CPT1B: variants seen among roughly 807,000 people sequenced by gnomAD.
CPT1B encodes carnitine O-palmitoyltransferase 1, muscle isoform.
A neutral mutation model predicts 92.7 loss-of-function variants in CPT1B; 57 were observed. That is an observed-to-expected ratio of 0.62 (90% CI 0.50 to 0.77). The LOEUF is 0.77. CPT1B is among the 30% of genes least tolerant of loss of function. CPT1B has a pLI of 0.00. For missense variants in CPT1B, 983 were observed against 1,017.4 expected, an observed-to-expected ratio of 0.97 and a Z score of 0.46; for synonymous variants, 398 against 383.5, an observed-to-expected ratio of 1.04 and a Z score of -0.44.
chr22:50,569,715 G>T (rs376435607), intron 17 of CPT1B, 47 bp from the exon 18 acceptor site: 3 of 1,483,072 alleles, frequency 2.0e-6, no homozygotes, highest in Non-Finnish European at 2.8e-6. Flanking sequence ...AAACCTTGAA[G>T]ATCTGAAAGC....
At chr22:50,574,621 C>T (rs750814302) in intron 7 of CPT1B, 21 bp from the exon 8 acceptor site, 77 of 1,605,830 alleles carry the variant, frequency 4.8e-5, no homozygotes, top group Admixed American at 2.7e-4. Context: ...ACAGAGCCCG[C>T]GGGGTGGGGG....
rs991622036 is a variant in CPT1B, at chr22:50,570,948, G to A, written c.1971C>T (p.Leu657=). The A allele has an allele frequency of 3.7e-6, 6 of 1,613,866 alleles. No homozygotes were observed. In the African/African-American group the frequency reaches 6.7e-5, roughly 18 times the overall value. Residue 657 remains leucine (L), a synonymous_variant, in exon 16 of 20, where the codon CTC becomes CTT. Transcript: ENST00000312108. ...AMTGAGIDRH[L]FCLYLVSKYL... ...ACTTGGAGACCAAGTAAAGGCAGAA[G>A]AGGTGCCTGTCGATCCCTGCCCCGG...
At position 50,573,683 on chromosome 22, in the gene CPT1B, C is replaced by T. The variant is rs748307991; in HGVS notation, c.1003G>A (p.Val335Met). 2.5e-5 allele frequency: 40 copies of T among 1,612,890 alleles called. No individual in the cohort carries two copies. The highest frequency in any genetic ancestry group is 1.6e-4 in the Middle Eastern group (1 of 6,078). ...AAGCGTCCCTTGTGGTAGACAGCCA[C>T]GTGCCGGCTGTCTGAGAGGTGCTGT... ...VLQHLSDSRH[V>M]AVYHKGRFFK... Residue 335 changes from valine to methionine, a missense_variant, in exon 10 of 20, where the codon GTG (valine) becomes ATG (methionine). Coordinates refer to ENST00000312108, the MANE Select transcript of CPT1B (RefSeq NM_152246.3). This position sits in a 1 kb window ranked among gnomAD's most constrained non-coding sequence, Gnocchi z 5.0.
At position 50,571,367 on chromosome 22, in the gene CPT1B, G is replaced by C; in HGVS notation, c.1740+8C>G. On this transcript the variant is annotated splice_region_variant and intron_variant, in intron 14 of 19. Coordinates refer to ENST00000312108, the MANE Select transcript of CPT1B (RefSeq NM_152246.3). ...TGCCCTCTCAGCAGCGGGAGGCGGG[G>C]CTCCTACCCGGAAGTGAGCCAGCTG... 6.2e-7 allele frequency: 1 copy of C among 1,613,802 alleles called. No individual in the cohort carries two copies.
chr22:50,569,122 T>C (rs1346730202), intron 19 of CPT1B, 41 bp from the exon 20 acceptor site: 2 of 523,116 alleles, frequency 3.8e-6, no homozygotes, highest in Non-Finnish European at 6.8e-6. Context: ...TTAGTATCTA[T>C]CAAGAAAAAA....
At chr22:50,569,244 A>G in intron 19 of CPT1B, 92 bp downstream of exon 19, 2 of 1,249,220 alleles carry the variant, frequency 1.6e-6, no homozygotes, top group Non-Finnish European at 2.3e-6. Flanking sequence ...GAGCCTGGGC[A>G]CCTGTGCACG....
rs144936442 is a variant in CPT1B, at chr22:50,573,628, C to G, written c.1058G>C (p.Arg353Pro). Residue 353 changes from arginine to proline, a missense_variant, in exon 10 of 20, where the codon CGT (arginine) becomes CCT (proline). Arg to Pro is a moderately radical substitution (Grantham distance 103, BLOSUM62 -2). Transcript: ENST00000312108. This position sits in a 1 kb window ranked among gnomAD's most constrained non-coding sequence, Gnocchi z 5.0. ...FFKLWLYEGA[R>P]LLKPQDLEMQ... ...CTCCAGATCCTGAGGCTTGAGCAGA[C>G]GGGCGCCCTCATAGAGCCACAGCTT... The G allele has an allele frequency of 6.2e-6, 10 of 1,613,354 alleles. No homozygotes were observed. In the East Asian group the frequency reaches 2.2e-4, roughly 36 times the overall value.
intron 11 of CPT1B, 93 bp from the exon 12 acceptor site, chr22:50,572,401 C>G: frequency 6.8e-6 from 5 of 731,422 alleles, no homozygotes; most frequent in South Asian, 5.2e-5. Flanking sequence ...ATTACTAACC[C>G]TATTCTCTCT....
Position 50,573,981 on chromosome 22 carries a change from G to A in CPT1B, c.971-266C>T. The A allele has an allele frequency of 1.4e-6, 1 of 701,688 alleles. No individual in the cohort carries two copies. Among genetic ancestry groups the A allele is most frequent in the Non-Finnish European group, 2.7e-6 (1 of 375,870 alleles). The allele number at this position is 701,688 out of a possible 1,614,324, so 43.5% of individuals were successfully genotyped here. ...CTAGAGGGTTGTGCAAACCGCCTAA[G>A]GATACAGTGTCAGAAGCAGGGAAGG... On this transcript the variant is annotated intron_variant, in intron 9 of 19. Transcript: ENST00000312108. The surrounding 1 kb of genome is among the most constrained non-coding windows in gnomAD (Gnocchi z 5.0).
chr22:50,570,899 G>A lies in CPT1B; in HGVS notation c.2020C>T (p.Leu674Phe). ...CCAACAACGGTGCTGACCTCAGCAAGGAAAGGAGAGCTGACTCCTAGGTAC... is the reference window on the plus strand; with the variant it reads ...CCAACAACGGTGCTGACCTCAGCAAAGAAAGGAGAGCTGACTCCTAGGTAC... ...SKYLGVSSPF[L>F]AEVLSEPWRL... is the part of the protein sequence containing the mutation. Residue 674 changes from leucine to phenylalanine, a missense_variant, in exon 16 of 20, where the codon CTT becomes TTT. Transcript: ENST00000312108. The A allele has an allele frequency of 6.2e-7, 1 of 1,613,526 alleles. No homozygotes were observed. Among genetic ancestry groups the A allele is most frequent in the South Asian group, 1.1e-5 (1 of 91,084 alleles).
At chr22:50,570,198 T>C in intron 17 of CPT1B, 95 bp downstream of exon 17, 1 of 873,402 alleles carries the variant, frequency 1.1e-6, no homozygotes, top group Non-Finnish European at 1.7e-6. Context: ...CTAAGCAAGG[T>C]GCTCCTGCCT....
chr22:50,577,165 G>A, intron 3 of CPT1B, 131 bp from the exon 4 acceptor site: 1 of 1,368,644 alleles, frequency 7.3e-7, no homozygotes, highest in African/African-American at 1.4e-5. Context: ...CATCAAATGA[G>A]CGGATGTAGG....
Position 50,577,640 on chromosome 22 carries a change from C to T in CPT1B, c.141+135G>A, listed in dbSNP as rs17848474. On this transcript the variant is annotated intron_variant, in intron 2 of 19. Transcript: ENST00000312108. ...TGTGTCCGACCACATCCTGTGCACC[C>T]CTCTGGTGTCTGTACTTCCACAACC... The T allele has an allele frequency of 1.0e-4, 148 of 1,429,704 alleles. 1 individual carries two copies. The East Asian group carries it at 3.4e-3, about 33-fold the overall frequency. 88.6% of individuals were successfully genotyped at this position (1,429,704 alleles called of 1,614,324 possible).
chr22:50,576,095 T>C lies in CPT1B; in HGVS notation c.717A>G (p.Glu239=). 6.2e-7 allele frequency: 1 copy of C among 1,614,120 alleles called. No individual in the cohort carries two copies. Among genetic ancestry groups the C allele is most frequent in the Non-Finnish European group, 8.5e-7 (1 of 1,180,024 alleles). ...WASNYVSDWW[E]EYIYLRGRSP... ...TCCTGCCTCGAAGGTAGATGTACTC[T>C]TCCCACCAGTCACTCACCTGTGGGG... Residue 239 remains glutamate, a synonymous_variant, in exon 7 of 20, where the codon GAA becomes GAG. Transcript: ENST00000312108.
At position 50,576,245 on chromosome 22, in the gene CPT1B, T is replaced by A; in HGVS notation, c.652A>T (p.Arg218Trp). ...TTGAGCACCAGGTATTTCTGCAGCC[T>A]GGGGGCAGTCTTGTCCTGGAATTCT... is the stretch of plus-strand genomic sequence containing the variant. ...AKEFQDKTAP[R>W]LQKYLVLKSW... The change falls in exon 6 of 20, where the codon AGG becomes TGG. Residue 218 changes from arginine to tryptophan, a missense_variant. Transcript: ENST00000312108. 1 of 1,614,120 alleles carries A rather than the reference T, an allele frequency of 6.2e-7. No homozygotes were observed. The highest frequency in any genetic ancestry group is 8.5e-7 in the Non-Finnish European group (1 of 1,180,024).
Position 50,573,128 on chromosome 22 carries a change from C to A in CPT1B, c.1167-68G>T. On this transcript the variant is annotated intron_variant, in intron 10 of 19. Coordinates refer to ENST00000312108, the MANE Select transcript of CPT1B (RefSeq NM_152246.3). This position sits in a 1 kb window ranked among gnomAD's most constrained non-coding sequence, Gnocchi z 5.0. ...GATGAGGGTGCCTCTGAGGGCCTGG[C>A]TGGACCTGGAGATGGGGGTGGGGTG... The A allele has an allele frequency of 7.2e-7, 1 of 1,392,116 alleles. No homozygotes were observed. Among genetic ancestry groups the A allele is most frequent in the South Asian group, 1.3e-5 (1 of 76,422 alleles). The allele number at this position is 1,392,116 out of a possible 1,614,324, so 86.2% of individuals were successfully genotyped here.
At chr22:50,570,511 G>GCACCCT in intron 16 of CPT1B, 105 bp from the exon 17 acceptor site, 7 of 916,976 alleles carry the variant, frequency 7.6e-6, no homozygotes, top group Non-Finnish European at 9.8e-6. Flanking sequence ...TGCTGAGGGT[G>GCACCCT]CAGGAGCTCC....
chr22:50,577,578 C>A, intron 2 of CPT1B, 115 bp from the exon 3 acceptor site: 1 of 1,456,264 alleles, frequency 6.9e-7, no homozygotes, highest in Non-Finnish European at 9.3e-7. Flanking sequence ...TCCTGATGCC[C>A]TGCTGTGCTC....
At chr22:50,578,071 C>G (rs1228997400) in intron 1 of CPT1B, 137 bp from the exon 2 acceptor site, 1 of 402,638 alleles carries the variant, frequency 2.5e-6, no homozygotes, top group Non-Finnish European at 3.6e-6. Context: ...CCCGCGCCCC[C>G]CGCCAGGCCA....
Sources: allele counts gnomAD v4.1 joint callset, GRCh38; gene constraint gnomAD v4.1.1; non-coding constraint Gnocchi (gnomAD v3.1); transcripts MANE v1.5; gene names NCBI Gene and HGNC (gene_info 2026-07-23, HGNC 2026-07-21).